The following HERC3 variants were observed in gnomAD, a reference collection of about 807,000 sequenced individuals.
The protein encoded by HERC3 is HECT and RLD domain containing E3 ubiquitin protein ligase 3, also known as probable E3 ubiquitin-protein ligase HERC3.
A neutral mutation model predicts 129.9 loss-of-function variants in HERC3; 58 were observed. The ratio of observed to expected loss-of-function variants is 0.45; its 90% CI spans 0.36 to 0.56. HERC3 has a LOEUF of 0.56. Ranked by LOEUF, HERC3 falls within the 20% of genes least tolerant of loss-of-function variation. The pLI is 0.00. For synonymous variants in HERC3, 430 were observed against 451.0 expected (o/e 0.95, Z 0.59); for missense variants, 835 against 1,244.2 (o/e 0.67, Z 4.95).
At chr4:88,556,554 A>G in the HERC3 span, among the ~76,000 whole-genome samples, 18 of 152,224 alleles carry the variant, frequency 1.2e-4, no homozygotes, top group African/African-American at 4.3e-4. Context: ...AAACCTCCCC[A>G]TCAGATCAGC....
the HERC3 span, among the ~76,000 whole-genome samples, chr4:88,543,977 A>G: frequency 1.3e-5 from 2 of 152,190 alleles, no homozygotes; most frequent in Non-Finnish European, 2.9e-5. Context: ...CTAGAAGAAA[A>G]CCTAGGCAAT....
the HERC3 span, among the ~76,000 whole-genome samples, chr4:88,540,633 A>G: frequency 6.6e-6 from 1 of 152,214 alleles, no homozygotes; most frequent in Non-Finnish European, 1.5e-5. Context: ...CAACCCCAAG[A>G]CACATAATTG....
At chr4:88,701,340 C>T (rs1735297770) in intron 23 of HERC3, among the ~76,000 whole-genome samples, 1 of 152,124 alleles carries the variant, frequency 6.6e-6, no homozygotes, top group Non-Finnish European at 1.5e-5. Context: ...GGATTTGAAC[C>T]CCTGTCTGCC....
At chr4:88,688,939 G>A (rs1487372382) in intron 23 of HERC3, among the ~76,000 whole-genome samples, 3 of 152,196 alleles carry the variant, frequency 2.0e-5, no homozygotes, top group African/African-American at 7.2e-5. Context: ...TAAGGAAAGA[G>A]CGGGTAGGGG....
At chr4:88,529,753 CA>C in the HERC3 span, among the ~76,000 whole-genome samples, 29,044 of 133,416 alleles carry the variant, frequency 0.22, 3,417 homozygotes, top group African/African-American at 0.36. Context: ...GACTATGTCT[CA>C]AAAAAAAAAA....
chr4:88,532,655 A>T, the HERC3 span, among the ~76,000 whole-genome samples: 1 of 152,222 alleles, frequency 6.6e-6, no homozygotes, highest in African/African-American at 2.4e-5. Context: ...AAGATGTCAC[A>T]TAAAACTAAC....
chr4:88,634,269 G>A (rs994292358), intron 3 of HERC3, among the ~76,000 whole-genome samples: 2 of 152,218 alleles, frequency 1.3e-5, no homozygotes, highest in Non-Finnish European at 2.9e-5. Context: ...GGGGCCTTGG[G>A]TCCCAACCAT....
In HERC3 at chr4:88,697,127, T is replaced by A; in HGVS notation, c.2658-6971T>A. 2.9e-6 allele frequency: 4 copies of A among 1,379,658 alleles called. No homozygotes were observed. The South Asian group carries it at 6.6e-5, about 23-fold the overall frequency. 85.5% of individuals were successfully genotyped at this position (1,379,658 alleles called of 1,614,324 possible). ...TTTTGGTCAAAAACCTGAGCCTTTT[T>A]AAGTCCATCGATATTCTGGGAAAAA... On this transcript the variant is annotated intron_variant, in intron 23 of 25. Coordinates refer to ENST00000402738, the MANE Select transcript of HERC3 (RefSeq NM_014606.3).
At chr4:88,599,027 C>T (rs1722703012) in intron 2 of HERC3, among the ~76,000 whole-genome samples, 1 of 152,180 alleles carries the variant, frequency 6.6e-6, no homozygotes, top group South Asian at 2.1e-4. Context: ...ATAAAAGATT[C>T]TGCTCTTCTA....
the HERC3 span, among the ~76,000 whole-genome samples, chr4:88,570,185 G>A: frequency 2.6e-5 from 4 of 152,202 alleles, no homozygotes; most frequent in Non-Finnish European, 5.9e-5. Context: ...TGCATAGTAT[G>A]AGGAGTGGAT....
At chr4:88,664,076 A>G (rs1730792122) in intron 11 of HERC3, 77 bp from the exon 12 acceptor site, 2 of 1,204,004 alleles carry the variant, frequency 1.7e-6, no homozygotes, top group East Asian at 5.1e-5. Context: ...GTAGATGGTT[A>G]CTTTATTATT....
At chr4:88,568,983 G>A in the HERC3 span, among the ~76,000 whole-genome samples, 5 of 151,994 alleles carry the variant, frequency 3.3e-5, no homozygotes, top group Admixed American at 3.3e-4. Context: ...GTCTCACTAG[G>A]TCACATGCAC....
chr4:88,619,846 G>T (rs1049450876), intron 3 of HERC3, among the ~76,000 whole-genome samples: 3 of 152,132 alleles, frequency 2.0e-5, no homozygotes, highest in African/African-American at 7.2e-5. Context: ...AATATGTTCA[G>T]GGAAATAGGA....
chr4:88,675,341 A>G (rs866734233), intron 16 of HERC3, among the ~76,000 whole-genome samples: 3 of 152,228 alleles, frequency 2.0e-5, no homozygotes, highest in Non-Finnish European at 2.9e-5. Flanking sequence ...AAATAATAAC[A>G]TGATGCCAAT....
chr4:88,538,790 G>A, the HERC3 span, among the ~76,000 whole-genome samples: 41 of 152,118 alleles, frequency 2.7e-4, 2 homozygotes, highest in South Asian at 7.5e-3. Flanking sequence ...TGATCTGCCC[G>A]CCTCGGCCTC....
intron 23 of HERC3, among the ~76,000 whole-genome samples, chr4:88,698,269 C>T (rs909676972): frequency 7.9e-5 from 12 of 152,284 alleles, no homozygotes; most frequent in African/African-American, 2.6e-4. Context: ...AGTGGAGGAA[C>T]GGGCAAGCTG....
In HERC3 at chr4:88,669,900, G is replaced by A; in HGVS notation, c.1674G>A (p.Lys558=). 1 of 1,613,686 alleles carries A rather than the reference G, an allele frequency of 6.2e-7. No individual in the cohort carries two copies. Among genetic ancestry groups the A allele is most frequent in the South Asian group, 1.1e-5 (1 of 91,062 alleles). Reference sequence around the variant, plus strand: ...AGGTATGCCCGAAATATTTCATGAAGCTGGTAAACCTCTATAAAGGTGCAG... The same window carrying A: ...AGGTATGCCCGAAATATTTCATGAAACTGGTAAACCTCTATAAAGGTGCAG... ...WSQVCPKYFM[K]LVNLYKGAVL... is the part of the protein sequence containing the mutation. Residue 558 remains lysine (K), a synonymous_variant, in exon 15 of 26, where the codon AAG becomes AAA. Coordinates refer to ENST00000402738, the MANE Select transcript of HERC3 (RefSeq NM_014606.3).
At chr4:88,690,052 C>T in intron 23 of HERC3, 1 of 985,218 alleles carries the variant, frequency 1.0e-6, no homozygotes, top group Non-Finnish European at 1.2e-6. Flanking sequence ...CCCAGACACC[C>T]AACAAAACTG....
At chr4:88,653,912 A>G in intron 6 of HERC3, 130 bp from the exon 7 acceptor site, 1 of 661,584 alleles carries the variant, frequency 1.5e-6, no homozygotes, top group Non-Finnish European at 2.7e-6. Context: ...TGGATATCCA[A>G]GTACAGATGC....
Sources: gnomAD v4.1 joint callset for allele counts (sites outside exome capture counted in the v4.1 genomes callset) on GRCh38, gnomAD v4.1.1 for gene constraint, MANE v1.5 for transcripts, NCBI Gene and HGNC (gene_info 2026-07-23, HGNC 2026-07-21) for gene names.